Variants in PTER observed in about 807,000 individuals in gnomAD.
PTER encodes N-acetyltaurine hydrolase.
A neutral mutation model predicts 29.6 loss-of-function variants in PTER; 38 were observed. That is an observed-to-expected ratio of 1.28 (90% CI 0.99 to 1.68). PTER has a LOEUF of 1.68. Ranked by LOEUF, PTER falls within the 40% of genes most tolerant of loss-of-function variation. PTER has a pLI of 0.00. For missense variants in PTER, 482 were observed against 427.8 expected (o/e 1.13, Z -1.12); for synonymous variants, 172 against 154.5 (o/e 1.11, Z -0.84).
At position 16,511,702 on chromosome 10, in the gene PTER, A is replaced by G. The variant is rs1836816665; in HGVS notation, c.*446A>G. 1 of 164,782 alleles carries G rather than the reference A, an allele frequency of 6.1e-6. No homozygotes were observed. The highest frequency in any genetic ancestry group is 5.6e-5 in the Admixed American group (1 of 17,836). 10.2% of individuals were successfully genotyped at this position (164,782 alleles called of 1,614,324 possible). A position where few individuals can be genotyped will look rare whatever the true frequency, so the allele number is the denominator to read the frequency against. ...ATTAATGCTTAATGAATAATATGGC[A>G]CTGTAAAATAGCTTCTGCAACAAGG... On this transcript the variant is annotated 3_prime_UTR_variant, in exon 5 of 5. Coordinates refer to ENST00000535784, the MANE Select transcript of PTER (RefSeq NM_001261836.2).
At chr10:16,477,196 G>A (rs1835300825) in intron 1 of PTER, among the ~76,000 whole-genome samples, 1 of 152,216 alleles carries the variant, frequency 6.6e-6, no homozygotes, top group African/African-American at 2.4e-5. Flanking sequence ...GTGCCACCAT[G>A]CTGGGCCTAG....
At chr10:16,476,416 G>A (rs1472205777) in intron 1 of PTER, among the ~76,000 whole-genome samples, 4 of 151,954 alleles carry the variant, frequency 2.6e-5, no homozygotes, top group Admixed American at 1.3e-4. Context: ...TTTAGGTATC[G>A]TTTTACTTGC....
Position 16,513,272 on chromosome 10 carries a change from A to G in PTER, c.*2016A>G, listed in dbSNP as rs868490526. 1 of 152,574 alleles carries G rather than the reference A, an allele frequency of 6.6e-6. No individual in the cohort carries two copies. The highest frequency in any genetic ancestry group is 6.6e-5 in the Admixed American group (1 of 15,262). The allele number at this position is 152,574 out of a possible 1,614,324, so 9.5% of individuals were successfully genotyped here. ...GCTACTCCATATATTGTCATTCAAA[A>G]TATATTTTAACCCAAAATAAGTTAA... On this transcript the variant is annotated 3_prime_UTR_variant, in exon 5 of 5. Transcript: ENST00000535784.
At position 16,484,496 on chromosome 10, in the gene PTER, T is replaced by C; in HGVS notation, c.112T>C (p.Cys38Arg). 1 of 1,614,162 alleles carries C rather than the reference T, an allele frequency of 6.2e-7. No individual in the cohort carries two copies. The highest frequency in any genetic ancestry group is 1.7e-5 in the Admixed American group (1 of 60,010). The part of the protein sequence containing the change: ...HLAMTFDCCY[C>R]PPPPCQEAIS... ...GGCCATGACCTTTGACTGCTGTTACTGTCCACCTCCCCCGTGCCAGGAAGC... is the reference window on the plus strand; with the variant it reads ...GGCCATGACCTTTGACTGCTGTTACCGTCCACCTCCCCCGTGCCAGGAAGC... The change falls in exon 2 of 5, where the codon TGT (cysteine) becomes CGT (arginine). Residue 38 changes from cysteine to arginine, a missense_variant. Physicochemically the swap from Cys to Arg is radical, Grantham distance 180 (BLOSUM62 -3). Coordinates refer to ENST00000535784, the MANE Select transcript of PTER (RefSeq NM_001261836.2).
chr10:16,493,964 T>C (rs1008496657), intron 3 of PTER, among the ~76,000 whole-genome samples: 12 of 152,226 alleles, frequency 7.9e-5, no homozygotes, highest in African/African-American at 2.7e-4. Flanking sequence ...CAGTACATTC[T>C]ACCCACCAAA....
rs377037547 is a variant in PTER at position 16,501,371 on chromosome 10, GCA to G, written c.699-3631_699-3630del. Among the ~76,000 whole-genome samples, 169 of 36,160 alleles carry G rather than the reference GCA, an allele frequency of 4.7e-3. No individual in the cohort carries two copies. The East Asian group carries it at 0.055, about 12-fold the overall frequency. The allele number at this position is 36,160 out of a possible 152,430, so 23.7% of individuals were successfully genotyped here. ...CACACACACACACACACACACACAT[GCA>G]CACACACACACACACACCCCATAGT... is the stretch of plus-strand genomic sequence containing the variant. On this transcript the variant is annotated intron_variant, in intron 3 of 4. Transcript: ENST00000535784.
At chr10:16,498,388 A>G (rs1836196356) in intron 3 of PTER, among the ~76,000 whole-genome samples, 1 of 152,220 alleles carries the variant, frequency 6.6e-6, no homozygotes, top group South Asian at 2.1e-4. Flanking sequence ...GTTTGAGACC[A>G]GCCTGGCCAA....
chr10:16,452,245 A>C (rs1337072939), intron 1 of PTER, among the ~76,000 whole-genome samples: 1 of 151,622 alleles, frequency 6.6e-6, no homozygotes, highest in African/African-American at 2.4e-5. Flanking sequence ...ACATATATAT[A>C]ATATCACAGT....
chr10:16,456,617 A>G (rs938578854), intron 1 of PTER, among the ~76,000 whole-genome samples: 10 of 152,174 alleles, frequency 6.6e-5, no homozygotes, highest in Non-Finnish European at 1.5e-4. Context: ...ATAAAGAACA[A>G]GGTCCCACCT....
downstream of PTER, among the ~76,000 whole-genome samples, chr10:16,518,215 C>G (rs1836983296): frequency 6.6e-6 from 1 of 152,226 alleles, no homozygotes; most frequent in Admixed American, 6.5e-5. Flanking sequence ...TCATTTGTAA[C>G]TGCCTGCAGA....
chr10:16,475,515 T>G (rs1307154587), intron 1 of PTER, among the ~76,000 whole-genome samples: 1 of 152,176 alleles, frequency 6.6e-6, no homozygotes. Flanking sequence ...CAGAAGCTGC[T>G]TCCAATGATA....
intron 1 of PTER, among the ~76,000 whole-genome samples, chr10:16,457,737 CTA>C (rs1834464206): frequency 6.6e-6 from 1 of 151,992 alleles, no homozygotes; most frequent in Non-Finnish European, 1.5e-5. Flanking sequence ...GAAACTGGCA[CTA>C]CAGGTGCGTG....
chr10:16,469,620 T>C (rs1834972174), intron 1 of PTER, among the ~76,000 whole-genome samples: 1 of 152,144 alleles, frequency 6.6e-6, no homozygotes, highest in African/African-American at 2.4e-5. Flanking sequence ...TTCTGTTGTT[T>C]GTTTGTTTGT....
chr10:16,508,289 T>G (rs368079085), intron 4 of PTER, among the ~76,000 whole-genome samples: 2 of 152,020 alleles, frequency 1.3e-5, no homozygotes, highest in Non-Finnish European at 2.9e-5. Context: ...AGGATGGTCT[T>G]GATCTCCTGA....
intron 1 of PTER, among the ~76,000 whole-genome samples, chr10:16,441,169 C>T (rs929122544): frequency 6.6e-6 from 1 of 152,272 alleles, no homozygotes; most frequent in East Asian, 1.9e-4. Flanking sequence ...GGATAAGAAT[C>T]AAGGCTTTCA....
chr10:16,475,385 T>G (rs934195872), intron 1 of PTER, among the ~76,000 whole-genome samples: 1 of 152,130 alleles, frequency 6.6e-6, no homozygotes, highest in African/African-American at 2.4e-5. Flanking sequence ...CTGAAATGAC[T>G]GGGGGCCCTG....
chr10:16,467,907 C>A (rs1255840061), intron 1 of PTER, among the ~76,000 whole-genome samples: 1 of 152,138 alleles, frequency 6.6e-6, no homozygotes, highest in African/African-American at 2.4e-5. Flanking sequence ...AATCCAGAGC[C>A]CAAACACTTT....
At chr10:16,452,705 C>T (rs1326176319) in intron 1 of PTER, among the ~76,000 whole-genome samples, 8 of 151,578 alleles carry the variant, frequency 5.3e-5, no homozygotes, top group Non-Finnish European at 8.8e-5. Flanking sequence ...CTTCTCCTTC[C>T]TTTTCCTCTT....
intron 1 of PTER, among the ~76,000 whole-genome samples, chr10:16,443,897 C>T (rs533211286): frequency 6.6e-6 from 1 of 152,192 alleles, no homozygotes; most frequent in Non-Finnish European, 1.5e-5. Flanking sequence ...GTATCTTGTG[C>T]TCATCTTGCT....
Sources: allele counts gnomAD v4.1 joint callset (sites outside exome capture counted in the v4.1 genomes callset), GRCh38; gene constraint gnomAD v4.1.1; transcripts MANE v1.5; gene names NCBI Gene and HGNC (gene_info 2026-07-23, HGNC 2026-07-21).